The following SCO1 variants were observed in gnomAD, a reference collection of about 807,000 sequenced individuals.
SCO1 encodes synthesis of cytochrome C oxidase 1.
In SCO1, 23 loss-of-function variants were observed where a neutral mutation model predicts 34.0. That is an observed-to-expected ratio of 0.68 (90% CI 0.49 to 0.96). The LOEUF is 0.96. Ranked by LOEUF, SCO1 falls within the 40% of genes least tolerant of loss-of-function variation. The probability of loss-of-function intolerance (pLI) is 0.00; values close to 1 mark genes in which losing one functional copy is unlikely to be tolerated. For synonymous variants in SCO1, 161 were observed against 145.5 expected (o/e 1.11, Z -0.77); for missense variants, 404 against 381.6 (o/e 1.06, Z -0.49).
At chr17:10,692,680 C>A in intron 3 of SCO1, 84 bp downstream of exon 3, 1 of 1,114,720 alleles carries the variant, frequency 9.0e-7, no homozygotes, top group East Asian at 2.4e-5. Flanking sequence ...TGCAAAACCC[C>A]ACCTAACAAT....
rs979596640 is a variant in SCO1, at chr17:10,679,728, C to T, written c.*1391G>A. 1.3e-5 allele frequency: 2 copies of T among 151,664 alleles called. No individual in the cohort carries two copies. The highest frequency in any genetic ancestry group is 2.9e-5 in the Non-Finnish European group (2 of 68,024). 9.4% of individuals were successfully genotyped at this position (151,664 alleles called of 1,614,324 possible). On this transcript the variant is annotated 3_prime_UTR_variant, in exon 6 of 6. Coordinates refer to ENST00000255390, the MANE Select transcript of SCO1 (RefSeq NM_004589.4). Reference sequence around the variant, plus strand: ...TCATTTTCTTCAATGGCTGACACACCAAAAGAAGGGTCAAATTTATTTATT... The same window carrying T: ...TCATTTTCTTCAATGGCTGACACACTAAAAGAAGGGTCAAATTTATTTATT...
Position 10,692,465 on chromosome 17 carries a change from A to G in SCO1, c.562+299T>C, listed in dbSNP as rs1455957849. 2.0e-5 allele frequency among the ~76,000 whole-genome samples: 3 copies of G among 152,358 alleles called. No individual in the cohort carries two copies. In the East Asian group the frequency reaches 5.8e-4, roughly 29 times the overall value. On this transcript the variant is annotated intron_variant, in intron 3 of 5. Coordinates refer to ENST00000255390, the MANE Select transcript of SCO1 (RefSeq NM_004589.4). ...AAAGATTTCCTAATTTAATTGTCACAATCAGTGGGGAAGAGGCAATGGCAG... is the reference window on the plus strand; with the variant it reads ...AAAGATTTCCTAATTTAATTGTCACGATCAGTGGGGAAGAGGCAATGGCAG...
chr17:10,696,067 T>TAAAAAA (rs1374448443), intron 1 of SCO1, among the ~76,000 whole-genome samples: 2 of 35,838 alleles, frequency 5.6e-5, no homozygotes, highest in African/African-American at 2.6e-4. Context: ...TCTCTTCATG[T>TAAAAAA]AAATAAAAAA....
chr17:10,686,990 G>A, intron 4 of SCO1, 148 bp from the exon 5 acceptor site: 2 of 668,706 alleles, frequency 3.0e-6, no homozygotes, highest in Non-Finnish European at 5.4e-6. Flanking sequence ...CAAAGGAAAA[G>A]GAGAAGAAAT....
chr17:10,672,934 G>A lies in SCO1; in HGVS notation c.*8185C>T, dbSNP rs1468070476. ...AGATACATAAAACACTCAAAAGAGA[G>A]TTGAAGTTTAGGTGCACTAGTTGGC... is the stretch of plus-strand genomic sequence containing the variant. On this transcript the variant is annotated 3_prime_UTR_variant, in exon 6 of 6. Coordinates refer to ENST00000255390, the MANE Select transcript of SCO1 (RefSeq NM_004589.4). 1.3e-5 allele frequency: 2 copies of A among 152,082 alleles called. 1 individual carries two copies. The highest frequency in any genetic ancestry group is 4.8e-5 in the African/African-American group (2 of 41,414). The allele number at this position is 152,082 out of a possible 1,614,324, so 9.4% of individuals were successfully genotyped here.
chr17:10,690,430 T>C (rs1454280877), intron 4 of SCO1, among the ~76,000 whole-genome samples: 6 of 152,102 alleles, frequency 3.9e-5, no homozygotes, highest in African/African-American at 1.4e-4. Context: ...AACAAGTATA[T>C]GAAAAAATGC....
At chr17:10,696,085 A>AT in intron 1 of SCO1, among the ~76,000 whole-genome samples, 1 of 150,564 alleles carries the variant, frequency 6.6e-6, no homozygotes, top group African/African-American at 2.4e-5. Context: ...AAAAAAAAAA[A>AT]AAAAAAAAAA....
At chr17:10,689,935 C>T (rs2074680040) in intron 4 of SCO1, among the ~76,000 whole-genome samples, 1 of 152,036 alleles carries the variant, frequency 6.6e-6, no homozygotes, top group Non-Finnish European at 1.5e-5. Flanking sequence ...ACACCAAAAA[C>T]ATACGCTGGG....
chr17:10,673,805 T>C lies in SCO1; in HGVS notation c.*7314A>G, dbSNP rs573431698. 11 of 152,282 alleles carry C rather than the reference T, an allele frequency of 7.2e-5. No homozygotes were observed. The highest frequency in any genetic ancestry group is 2.4e-4 in the African/African-American group (10 of 41,562). 9.4% of individuals were successfully genotyped at this position (152,282 alleles called of 1,614,324 possible). A position where few individuals can be genotyped will look rare whatever the true frequency, so the allele number is the denominator to read the frequency against. On this transcript the variant is annotated 3_prime_UTR_variant, in exon 6 of 6. Transcript: ENST00000255390. ...TTTTGATCATATTATAACAACTCGA[T>C]GGAGAAACGCTTGGTATACTGTGCT...
intron 5 of SCO1, among the ~76,000 whole-genome samples, chr17:10,685,629 G>A (rs1399026620): frequency 1.3e-5 from 2 of 152,164 alleles, no homozygotes; most frequent in Non-Finnish European, 2.9e-5. Context: ...TATAGTCAAT[G>A]GGCAAATAAA....
Position 10,692,796 on chromosome 17 carries a change from A to G in SCO1, c.530T>C (p.Leu177Pro), listed in dbSNP as rs775792883. The change falls in exon 3 of 6, where the codon CTA becomes CCA. Residue 177 changes from leucine (L) to proline (P), a missense_variant. Transcript: ENST00000255390. ...THCPDVCPEE[L>P]EKMIQVVDEI... ...ATCCACGACTTGAATCATCTTTTCT[A>G]GTTCTTCTGGACAGACATCAGGGCA... 1 of 1,614,018 alleles carries G rather than the reference A, an allele frequency of 6.2e-7. No individual in the cohort carries two copies. Among genetic ancestry groups the G allele is most frequent in the African/African-American group, 1.3e-5 (1 of 74,924 alleles).
chr17:10,686,618 A>G, intron 5 of SCO1, 109 bp downstream of exon 5: 5 of 803,270 alleles, frequency 6.2e-6, no homozygotes, highest in Non-Finnish European at 1.1e-5. Flanking sequence ...GGACTTTGCA[A>G]TAATCTTAGG....
intron 2 of SCO1, among the ~76,000 whole-genome samples, chr17:10,694,211 G>A (rs989338646): frequency 6.6e-6 from 1 of 152,106 alleles, no homozygotes; most frequent in Non-Finnish European, 1.5e-5. Context: ...CCAAGCTAAG[G>A]GGCATTCTAC....
At chr17:10,694,441 A>T (rs2074709804) in intron 2 of SCO1, among the ~76,000 whole-genome samples, 1 of 151,032 alleles carries the variant, frequency 6.6e-6, no homozygotes, top group Admixed American at 6.6e-5. Flanking sequence ...TGTCTCAAAA[A>T]ACAAACAAAT....
rs376703652 is a variant in SCO1 at position 10,695,847 on chromosome 17, T to C, written c.274-16A>G. On this transcript the variant is annotated splice_polypyrimidine_tract_variant and intron_variant, in intron 1 of 5. Coordinates refer to ENST00000255390, the MANE Select transcript of SCO1 (RefSeq NM_004589.4). Reference sequence around the variant, plus strand: ...AGGAAACAGGCTACTGGGGCAGGGATTTCAAACATAAAAATTCTAGTAAGA... The same window carrying C: ...AGGAAACAGGCTACTGGGGCAGGGACTTCAAACATAAAAATTCTAGTAAGA... 5 of 1,593,742 alleles carry C rather than the reference T, an allele frequency of 3.1e-6. No individual in the cohort carries two copies. In the African/African-American group the frequency reaches 6.7e-5, roughly 21 times the overall value.
chr17:10,686,768 A>G lies in SCO1; in HGVS notation c.730T>C (p.Tyr244His). The G allele has an allele frequency of 6.2e-7, 1 of 1,613,902 alleles. No homozygotes were observed. Among genetic ancestry groups the G allele is most frequent in the South Asian group, 1.1e-5 (1 of 91,068 alleles). Residue 244 changes from tyrosine to histidine, a missense_variant, in exon 5 of 6, where the codon TAT (tyrosine) becomes CAT (histidine). Transcript: ENST00000255390. ...VDQVARAYRVYYSPGPKDEDE... is the reference protein window; with the variant it reads ...VDQVARAYRVHYSPGPKDEDE... ...TCGTCCTTGGGGCCAGGGCTGTAATACACTCTGTATGCTCTGGCCACTTGA... is the reference window on the plus strand; with the variant it reads ...TCGTCCTTGGGGCCAGGGCTGTAATGCACTCTGTATGCTCTGGCCACTTGA...
intron 1 of SCO1, among the ~76,000 whole-genome samples, chr17:10,696,603 T>C (rs1178016403): frequency 6.6e-6 from 1 of 152,178 alleles, no homozygotes; most frequent in East Asian, 1.9e-4. Flanking sequence ...AAAGTGGAGC[T>C]TCTTGCAAAT....
chr17:10,680,989 A>T lies in SCO1; in HGVS notation c.*130T>A. ...AGGGTAACATCCCCATCCAAAACAG[A>T]AATGTTCTCATGGTATGAAGGCCAT... On this transcript the variant is annotated 3_prime_UTR_variant, in exon 6 of 6. Transcript: ENST00000255390. The T allele has an allele frequency of 8.8e-7, 1 of 1,133,488 alleles. No homozygotes were observed. The highest frequency in any genetic ancestry group is 1.5e-5 in the African/African-American group (1 of 65,372). The allele number at this position is 1,133,488 out of a possible 1,614,324, so 70.2% of individuals were successfully genotyped here. A position where few individuals can be genotyped will look rare whatever the true frequency, so the allele number is the denominator to read the frequency against.
At position 10,681,233 on chromosome 17, in the gene SCO1, C is replaced by T; in HGVS notation, c.792G>A (p.Met264Ile). ...ACTCACCATCTGGTCCAATCAAGTA[C>T]ATTATTATTGTGTGATCCACCTGCA... The part of the protein sequence containing the change: ...EDYIVDHTII[M>I]YLIGPDGEFL... The change falls in exon 6 of 6, where the codon ATG (methionine) becomes ATA (isoleucine). Residue 264 changes from methionine to isoleucine, a missense_variant. Met to Ile is a conservative substitution (Grantham distance 10). Transcript: ENST00000255390. The T allele has an allele frequency of 1.9e-6, 3 of 1,614,080 alleles. No homozygotes were observed. Among genetic ancestry groups the T allele is most frequent in the South Asian group, 1.1e-5 (1 of 91,080 alleles).
Sources: gnomAD v4.1 joint callset for allele counts (sites outside exome capture counted in the v4.1 genomes callset) on GRCh38, gnomAD v4.1.1 for gene constraint, MANE v1.5 for transcripts, NCBI Gene and HGNC (gene_info 2026-07-23, HGNC 2026-07-21) for gene names.